The following CDIN1 variants were observed in gnomAD, a reference collection of about 807,000 sequenced individuals.
CDIN1 encodes CDAN1 interacting nuclease 1, also known as CDAN1-interacting nuclease 1.
In CDIN1, 33 loss-of-function variants were observed where a neutral mutation model predicts 45.3. The ratio of observed to expected loss-of-function variants is 0.73; its 90% CI spans 0.55 to 0.97. CDIN1 has a LOEUF of 0.97. Among genes scored for constraint, CDIN1 ranks in the 50% least tolerant of loss-of-function variants. The pLI is 0.00. For synonymous variants in CDIN1, 118 were observed against 124.4 expected (o/e 0.95, Z 0.34); for missense variants, 303 against 339.4 (o/e 0.89, Z 0.84).
At chr15:36,716,346 G>A (rs368384826) in intron 10 of CDIN1, among the ~76,000 whole-genome samples, 8 of 152,180 alleles carry the variant, frequency 5.3e-5, no homozygotes, top group South Asian at 4.1e-4. Context: ...TTGAGTGGCC[G>A]TTCTAGGAAT....
rs1475754846 is a variant in CDIN1, at chr15:36,762,827, C to A, written c.717-45497C>A. On this transcript the variant is annotated intron_variant, in intron 10 of 10. Coordinates refer to ENST00000566621, the MANE Select transcript of CDIN1 (RefSeq NM_001321759.2). Reference sequence around the variant, plus strand: ...TCCCTACAAAGGACATGAACTCATCCTTTTTTATGGCTGCATAGTATTCCA... The same window carrying A: ...TCCCTACAAAGGACATGAACTCATCATTTTTTATGGCTGCATAGTATTCCA... Among the ~76,000 whole-genome samples, 13 of 152,100 alleles carry A rather than the reference C, an allele frequency of 8.5e-5. No homozygotes were observed. In the South Asian group the frequency reaches 2.1e-3, roughly 24 times the overall value.
At chr15:36,601,064 C>CAA (rs200247196) in intron 1 of CDIN1, among the ~76,000 whole-genome samples, 1 of 140,752 alleles carries the variant, frequency 7.1e-6, no homozygotes, top group African/African-American at 2.6e-5. Context: ...GTAGGGGTAT[C>CAA]AAAAAAAAAA....
In CDIN1 at chr15:36,588,235, A is replaced by G. The variant is rs181448624; in HGVS notation, c.101+8274A>G. ...TTCACAGTGATATATAATGGCATTTAAAAAAACCTTTTAAACCTAAATTCA... is the reference window on the plus strand; with the variant it reads ...TTCACAGTGATATATAATGGCATTTGAAAAAACCTTTTAAACCTAAATTCA... On this transcript the variant is annotated intron_variant, in intron 1 of 10. Transcript: ENST00000566621. 1.4e-4 allele frequency among the ~76,000 whole-genome samples: 20 copies of G among 142,788 alleles called. No homozygotes were observed. The East Asian group carries it at 4.2e-3, about 30-fold the overall frequency. The allele number at this position is 142,788 out of a possible 152,430, so 93.7% of individuals were successfully genotyped here.
At chr15:36,620,374 A>G (rs2039128221) in intron 1 of CDIN1, among the ~76,000 whole-genome samples, 1 of 152,104 alleles carries the variant, frequency 6.6e-6, no homozygotes, top group Non-Finnish European at 1.5e-5. Context: ...ATAAAATAAA[A>G]ATAAAAATAA....
chr15:36,641,240 G>T (rs2040092101), intron 1 of CDIN1: 1 of 152,178 alleles, frequency 6.6e-6, no homozygotes, highest in South Asian at 2.1e-4. Flanking sequence ...AAATAGACAT[G>T]TATAATTACA....
intron 5 of CDIN1, among the ~76,000 whole-genome samples, chr15:36,672,141 C>T (rs1209261151): frequency 2.0e-5 from 3 of 147,668 alleles, no homozygotes; most frequent in Non-Finnish European, 4.5e-5. Flanking sequence ...TAGAATTTCA[C>T]TTAGCATTTT....
At chr15:36,692,073 T>G (rs2042273029) in intron 6 of CDIN1, 53 bp from the exon 7 acceptor site, 1 of 1,541,716 alleles carries the variant, frequency 6.5e-7, no homozygotes, top group African/African-American at 1.4e-5. Flanking sequence ...TTGTTTACTG[T>G]AATAGTTTTT....
chr15:36,723,960 C>A (rs1196962933), intron 10 of CDIN1, among the ~76,000 whole-genome samples: 1 of 152,192 alleles, frequency 6.6e-6, no homozygotes, highest in African/African-American at 2.4e-5. Context: ...TAACACTGAA[C>A]ACCAATTATG....
chr15:36,639,017 C>A (rs2040006488), intron 1 of CDIN1, among the ~76,000 whole-genome samples: 1 of 152,212 alleles, frequency 6.6e-6, no homozygotes, highest in Non-Finnish European at 1.5e-5. Flanking sequence ...TACTTAACTT[C>A]TCTTCCTTCA....
intron 8 of CDIN1, among the ~76,000 whole-genome samples, chr15:36,699,158 T>G (rs1387653604): frequency 6.6e-6 from 1 of 152,222 alleles, no homozygotes; most frequent in East Asian, 1.9e-4. Flanking sequence ...GAGTCCTGTT[T>G]TAAAGCATTT....
chr15:36,757,805 G>T (rs1200954379), intron 10 of CDIN1, among the ~76,000 whole-genome samples: 1 of 149,146 alleles, frequency 6.7e-6, no homozygotes, highest in Non-Finnish European at 1.5e-5. Context: ...TATGCCACCA[G>T]GCCTGAGTCA....
chr15:36,633,436 G>A (rs1297459478), intron 1 of CDIN1, among the ~76,000 whole-genome samples: 1 of 151,954 alleles, frequency 6.6e-6, no homozygotes, highest in Non-Finnish European at 1.5e-5. Flanking sequence ...AAAAAATAGG[G>A]CATTATATTT....
intron 10 of CDIN1, among the ~76,000 whole-genome samples, chr15:36,800,909 GTATATATATATATATATATATA>G (rs370036091): frequency 8.9e-5 from 2 of 22,374 alleles, no homozygotes; most frequent in Non-Finnish European, 2.3e-4. Context: ...GTGTGTGTGT[GTATATATATATATATATATATA>G]TATATATATA....
At chr15:36,691,627 ATG>A in intron 5 of CDIN1, 56 bp from the exon 6 acceptor site, 1 of 1,086,278 alleles carries the variant, frequency 9.2e-7, no homozygotes, top group Non-Finnish European at 1.4e-6. Flanking sequence ...GTCACTCCTC[ATG>A]TTGCATTAAA....
At chr15:36,619,379 A>C in intron 1 of CDIN1, 1 of 376,350 alleles carries the variant, frequency 2.7e-6, no homozygotes. Context: ...AACAGGAGAA[A>C]GTACATCCTT....
intron 8 of CDIN1, chr15:36,702,104 A>G (rs1163076703): frequency 1.4e-6 from 1 of 702,272 alleles, no homozygotes; most frequent in Non-Finnish European, 2.6e-6. Context: ...GTAAGAGACC[A>G]GAAATGGAAC....
At chr15:36,743,969 A>G (rs992026160) in intron 10 of CDIN1, among the ~76,000 whole-genome samples, 2 of 122,572 alleles carry the variant, frequency 1.6e-5, no homozygotes, top group African/African-American at 3.2e-5. Context: ...TTCTAAAGAC[A>G]TTTTTTGTCT....
At chr15:36,789,862 G>A (rs189283690) in intron 10 of CDIN1, among the ~76,000 whole-genome samples, 1 of 152,298 alleles carries the variant, frequency 6.6e-6, no homozygotes, top group Admixed American at 6.5e-5. Context: ...GCCTACCAAA[G>A]TCAGTCCTAG....
chr15:36,794,268 C>G (rs541365253), intron 10 of CDIN1, among the ~76,000 whole-genome samples: 1 of 152,128 alleles, frequency 6.6e-6, no homozygotes, highest in South Asian at 2.1e-4. Flanking sequence ...CTGTGTTAGC[C>G]AGGATGGTCT....
Sources: allele counts gnomAD v4.1 joint callset (sites outside exome capture counted in the v4.1 genomes callset), GRCh38; gene constraint gnomAD v4.1.1; transcripts MANE v1.5; gene names NCBI Gene and HGNC (gene_info 2026-07-23, HGNC 2026-07-21).